The following HSPA12A variants were observed in gnomAD, a reference collection of about 807,000 sequenced individuals.
HSPA12A encodes the protein heat shock protein family A (Hsp70) member 12A, also known as heat shock 70 kDa protein 12A.
Under a neutral mutation model 69.2 loss-of-function variants are expected in HSPA12A, and 28 were observed. The observed-to-expected ratio is 0.40, with a 90% confidence interval of 0.30 to 0.55. HSPA12A has a LOEUF of 0.55. Ranked by LOEUF, HSPA12A falls within the 20% of genes least tolerant of loss-of-function variation. HSPA12A has a pLI of 0.38. For missense variants in HSPA12A, 686 were observed against 900.7 expected (o/e 0.76, Z 3.05); for synonymous variants, 345 against 370.5 (o/e 0.93, Z 0.79).
At chr10:116,770,369 C>T (rs1412921634) in intron 2 of HSPA12A, among the ~76,000 whole-genome samples, 11 of 152,206 alleles carry the variant, frequency 7.2e-5, no homozygotes, top group Non-Finnish European at 1.2e-4. Flanking sequence ...GGGGAGGTCC[C>T]GCAGAGGCCA....
At chr10:116,820,925 A>G (rs1306255314) in intron 2 of HSPA12A, among the ~76,000 whole-genome samples, 1 of 151,804 alleles carries the variant, frequency 6.6e-6, no homozygotes, top group Non-Finnish European at 1.5e-5. Flanking sequence ...CACCCTTCAA[A>G]ATGCCAGCAT....
chr10:116,695,372 C>G (rs759032485), intron 5 of HSPA12A, among the ~76,000 whole-genome samples: 1 of 152,122 alleles, frequency 6.6e-6, no homozygotes, highest in Non-Finnish European at 1.5e-5. Context: ...GTCTCAGGAA[C>G]GGATTTTTGC....
At chr10:116,809,911 G>A (rs1469920665) in intron 2 of HSPA12A, among the ~76,000 whole-genome samples, 1 of 152,200 alleles carries the variant, frequency 6.6e-6, no homozygotes. Context: ...CCTAAAACCT[G>A]TCATGGCTGG....
intron 2 of HSPA12A, among the ~76,000 whole-genome samples, chr10:116,795,931 G>A (rs927279674): frequency 2.8e-4 from 42 of 151,280 alleles, no homozygotes; most frequent in Non-Finnish European, 1.6e-4. Flanking sequence ...TGGATCACAA[G>A]GTCAGGAGAT....
rs41298229 is a variant in HSPA12A at position 116,692,321 on chromosome 10, G to A, written c.663+30C>T. ...TGGACATCTTGAGTCCTTCTCCTCC[G>A]GCTTCCACCCGCCCTGACTCTACCC... On this transcript the variant is annotated intron_variant, in intron 6 of 11. Coordinates refer to ENST00000369209, the MANE Select transcript of HSPA12A (RefSeq NM_025015.3). The A allele has an allele frequency of 5.0e-3, 7,781 of 1,568,232 alleles. 27 individuals carry two copies. The highest frequency in any genetic ancestry group is 5.7e-3 in the Non-Finnish European group (6,498 of 1,139,072).
At chr10:116,706,051 C>T (rs1184670067) in intron 2 of HSPA12A, among the ~76,000 whole-genome samples, 1 of 151,978 alleles carries the variant, frequency 6.6e-6, no homozygotes, top group Admixed American at 6.6e-5. Flanking sequence ...CCCGCCACCA[C>T]ACCCGGCTAA....
chr10:116,722,670 T>G (rs561833658), intron 1 of HSPA12A, among the ~76,000 whole-genome samples: 1 of 152,292 alleles, frequency 6.6e-6, no homozygotes, highest in East Asian at 1.9e-4. Flanking sequence ...CAGTCTTATC[T>G]TGTGGACATG....
intron 1 of HSPA12A, among the ~76,000 whole-genome samples, chr10:116,726,714 A>G (rs981472828): frequency 2.6e-5 from 4 of 152,164 alleles, no homozygotes; most frequent in African/African-American, 9.7e-5. Context: ...TGCTCCGATG[A>G]ACGGCATGGC....
chr10:116,739,033 G>A (rs938893642), intron 1 of HSPA12A, among the ~76,000 whole-genome samples: 135 of 152,294 alleles, frequency 8.9e-4, no homozygotes, highest in African/African-American at 3.2e-3. Flanking sequence ...TATAACCAGC[G>A]CCCTGTCACT....
At chr10:116,797,023 C>G (rs1339807084) in intron 2 of HSPA12A, among the ~76,000 whole-genome samples, 2 of 152,156 alleles carry the variant, frequency 1.3e-5, no homozygotes, top group Non-Finnish European at 2.9e-5. Flanking sequence ...TGAGGTCCTC[C>G]AAAGAAATCC....
At chr10:116,821,660 G>C (rs1485270284) in intron 2 of HSPA12A, among the ~76,000 whole-genome samples, 4 of 152,178 alleles carry the variant, frequency 2.6e-5, no homozygotes, top group Non-Finnish European at 1.5e-5. Context: ...GCATATGATA[G>C]ATGTGAAATC....
In HSPA12A at chr10:116,735,738, T is replaced by A. The variant is rs575743855; in HGVS notation, c.40+6692A>T. ...GTTGCCAGGCACGGTGGCTCATGCC[T>A]GTAATCTCAGCACTCTGGGAGGCTG... On this transcript the variant is annotated intron_variant, in intron 1 of 11. Coordinates refer to ENST00000369209, the MANE Select transcript of HSPA12A (RefSeq NM_025015.3). Among the ~76,000 whole-genome samples, 4 of 151,960 alleles carry A rather than the reference T, an allele frequency of 2.6e-5. No individual in the cohort carries two copies. In the South Asian group the frequency reaches 8.3e-4, roughly 32 times the overall value.
chr10:116,826,988 A>G (rs578199987), intron 2 of HSPA12A, among the ~76,000 whole-genome samples: 51 of 152,292 alleles, frequency 3.3e-4, no homozygotes, highest in Admixed American at 5.9e-4. Context: ...ATAGACTAGT[A>G]AGTGGCAAGC....
At chr10:116,703,807 G>A (rs1160397067) in intron 3 of HSPA12A, among the ~76,000 whole-genome samples, 1 of 152,212 alleles carries the variant, frequency 6.6e-6, no homozygotes, top group East Asian at 1.9e-4. Flanking sequence ...GGGAAGGGAA[G>A]GGGGCATCCC....
intron 1 of HSPA12A, among the ~76,000 whole-genome samples, chr10:116,708,567 C>A (rs1850329525): frequency 6.6e-6 from 1 of 152,146 alleles, no homozygotes; most frequent in Non-Finnish European, 1.5e-5. Context: ...TGAAATGAAT[C>A]ATGCAAGAGG....
intron 1 of HSPA12A, among the ~76,000 whole-genome samples, chr10:116,734,219 G>A (rs1554886167): frequency 6.8e-6 from 1 of 148,118 alleles, no homozygotes; most frequent in Non-Finnish European, 1.5e-5. Context: ...GGGAAACCAA[G>A]ACAGGCAGAT....
intron 1 of HSPA12A, among the ~76,000 whole-genome samples, chr10:116,727,851 G>A (rs937820005): frequency 2.0e-5 from 3 of 149,720 alleles, no homozygotes; most frequent in Non-Finnish European, 4.4e-5. Context: ...TAGGCCTCCT[G>A]GGTTTAAGTG....
At chr10:116,678,657 ATTAATTG>A (rs1849313921) in intron 10 of HSPA12A, among the ~76,000 whole-genome samples, 1 of 151,236 alleles carries the variant, frequency 6.6e-6, no homozygotes, top group Admixed American at 6.6e-5. Flanking sequence ...TTGAGGAATT[ATTAATTG>A]TTAAGTGTTA....
chr10:116,698,531 T>G, intron 5 of HSPA12A, 104 bp downstream of exon 5: 1 of 787,248 alleles, frequency 1.3e-6, no homozygotes, highest in Non-Finnish European at 2.1e-6. Context: ...CCCTCCAGGC[T>G]GTGCCTCCTA....
Sources: gnomAD v4.1 joint callset for allele counts (sites outside exome capture counted in the v4.1 genomes callset) on GRCh38, gnomAD v4.1.1 for gene constraint, MANE v1.5 for transcripts, NCBI Gene and HGNC (gene_info 2026-07-23, HGNC 2026-07-21) for gene names.